Variants in CUX1 observed in about 807,000 individuals in gnomAD.
CUX1 encodes the protein cut like homeobox 1.
Under a neutral mutation model 158.8 loss-of-function variants are expected in CUX1, and 31 were observed. The ratio of observed to expected loss-of-function variants is 0.20; its 90% CI spans 0.15 to 0.26. The LOEUF (loss-of-function observed/expected upper bound fraction) is 0.26, where lower values mean the gene tolerates loss of function less well. Among genes scored for constraint, CUX1 ranks in the 10% least tolerant of loss-of-function variants. The probability of loss-of-function intolerance (pLI) is 1.00; values close to 1 mark genes in which losing one functional copy is unlikely to be tolerated. For missense variants in CUX1, 1,589 were observed against 2,014.6 expected (o/e 0.79, Z 4.04); for synonymous variants, 879 against 862.1 (o/e 1.02, Z -0.34).
chr7:102,185,661 AC>A (rs1793549483), intron 11 of CUX1, among the ~76,000 whole-genome samples: 2 of 147,510 alleles, frequency 1.4e-5, no homozygotes, highest in Admixed American at 1.3e-4. Flanking sequence ...CTTATCTTGA[AC>A]TCCTATGCTC....
At chr7:101,987,735 A>G (rs1029979566) in intron 2 of CUX1, among the ~76,000 whole-genome samples, 2 of 152,250 alleles carry the variant, frequency 1.3e-5, no homozygotes, top group African/African-American at 2.4e-5. Context: ...GGAGGACTGC[A>G]CCAGGGACAT....
chr7:102,202,192 C>A lies in CUX1; in HGVS notation c.2895C>A (p.Ile965=). ...KLAKNGICQR[I]FGEKVLGLSQ... is the part of the protein sequence containing the mutation. ...CCAAGAACGGCATCTGCCAGAGAATCTTCGGGGAGAAGGTAAGGGATCTGC... is the reference window on the plus strand; with the variant it reads ...CCAAGAACGGCATCTGCCAGAGAATATTCGGGGAGAAGGTAAGGGATCTGC... Residue 965 remains isoleucine, a synonymous_variant, in exon 18 of 24, where the codon ATC becomes ATA. Transcript: ENST00000292535. 1 of 1,605,062 alleles carries A rather than the reference C, an allele frequency of 6.2e-7. No homozygotes were observed. The highest frequency in any genetic ancestry group is 8.5e-7 in the Non-Finnish European group (1 of 1,173,862).
At position 102,252,929 on chromosome 7, in the gene CUX1, G is replaced by C; in HGVS notation, c.*3887G>C. 1.0e-6 allele frequency: 1 copy of C among 985,452 alleles called. No individual in the cohort carries two copies. Among genetic ancestry groups the C allele is most frequent in the Non-Finnish European group, 1.2e-6 (1 of 829,954 alleles). The allele number at this position is 985,452 out of a possible 1,614,324, so 61.0% of individuals were successfully genotyped here. On this transcript the variant is annotated 3_prime_UTR_variant, in exon 24 of 24. Coordinates refer to ENST00000292535, the MANE Select transcript of CUX1 (RefSeq NM_181552.4). ...TAAGCGTCTCCTGGGACAGGATTGG[G>C]GTGACAGCCCAGGGATGCATGCATG...
At chr7:101,904,084 C>T (rs1802467691) in intron 1 of CUX1, among the ~76,000 whole-genome samples, 2 of 151,464 alleles carry the variant, frequency 1.3e-5, no homozygotes, top group Admixed American at 1.3e-4. Flanking sequence ...CACTTGAGCT[C>T]AGGAGTAACA....
chr7:102,156,721 GCCTGTCCAGCACCCTGGGCTGT>G (rs1340445298), intron 8 of CUX1, among the ~76,000 whole-genome samples: 1 of 152,146 alleles, frequency 6.6e-6, no homozygotes. Flanking sequence ...TCATTGTCAG[GCCTGTCCAGCACCCTGGGCTGT>G]CCCCAGGAGT....
Position 101,916,911 on chromosome 7 carries a change from A to G in CUX1, c.141+686A>G, listed in dbSNP as rs1804279024. On this transcript the variant is annotated intron_variant, in intron 2 of 23. Coordinates refer to ENST00000292535, the MANE Select transcript of CUX1 (RefSeq NM_181552.4). The surrounding 1 kb of genome is among the most constrained non-coding windows in gnomAD (Gnocchi z 4.4). ...TCAACCCTATCAGGGGCTTACTAAG[A>G]AAAAAAAAAAAACATCCAAGCGTGT... is the stretch of plus-strand genomic sequence containing the variant. Among the ~76,000 whole-genome samples the G allele has an allele frequency of 7.0e-6, 1 of 143,520 alleles. No homozygotes were observed. The highest frequency in any genetic ancestry group is 2.5e-5 in the African/African-American group (1 of 39,864). The allele number at this position is 143,520 out of a possible 152,430, so 94.2% of individuals were successfully genotyped here.
chr7:101,982,752 A>G (rs1299841077), intron 2 of CUX1, among the ~76,000 whole-genome samples: 2 of 151,764 alleles, frequency 1.3e-5, no homozygotes, highest in Non-Finnish European at 2.9e-5. Context: ...TTTAAGTTCT[A>G]GGATACATGT....
intron 3 of CUX1, among the ~76,000 whole-genome samples, chr7:102,035,874 A>G (rs1370134428): frequency 6.6e-6 from 1 of 151,960 alleles, no homozygotes; most frequent in African/African-American, 2.4e-5. Context: ...AATCCCAACA[A>G]AATTTTTTTT....
chr7:101,886,680 A>G (rs1325160023), intron 1 of CUX1, among the ~76,000 whole-genome samples: 1 of 152,116 alleles, frequency 6.6e-6, no homozygotes, highest in Non-Finnish European at 1.5e-5. Flanking sequence ...AGCCCATGCC[A>G]GCCTCACTGA....
Position 102,258,162 on chromosome 7 carries a change from C to A in CUX1, c.*9120C>A. 1.0e-6 allele frequency: 1 copy of A among 985,020 alleles called. No individual in the cohort carries two copies. Among genetic ancestry groups the A allele is most frequent in the Non-Finnish European group, 1.2e-6 (1 of 829,656 alleles). 61.0% of individuals were successfully genotyped at this position (985,020 alleles called of 1,614,324 possible). On this transcript the variant is annotated 3_prime_UTR_variant, in exon 24 of 24. Transcript: ENST00000292535. ...AGAAGCAATATCACTGTATGAGACT[C>A]ACACCATGTATTATTATTCACTAGC...
intron 16 of CUX1, 67 bp downstream of exon 16, chr7:102,198,934 T>C: frequency 7.0e-7 from 1 of 1,434,982 alleles, no homozygotes; most frequent in Non-Finnish European, 9.8e-7. Context: ...CTTAGCTGTG[T>C]ATTTGGGTTA....
rs1193128464 is a variant in CUX1 at position 102,030,014 on chromosome 7, C to CT, written c.189+1883dup. Reference sequence around the variant, plus strand: ...GATTAGTACAGTGAATACCTGTATGCTTTTTTTTTTTTTTGAGACAGATTT... The same window carrying CT: ...GATTAGTACAGTGAATACCTGTATGCTTTTTTTTTTTTTTTGAGACAGATTT... On this transcript the variant is annotated intron_variant, in intron 3 of 23. Coordinates refer to ENST00000292535, the MANE Select transcript of CUX1 (RefSeq NM_181552.4). Among the ~76,000 whole-genome samples the CT allele has an allele frequency of 6.7e-3, 953 of 142,018 alleles. 2 individuals carry two copies. Among genetic ancestry groups the CT allele is most frequent in the Admixed American group, 9.5e-3 (134 of 14,140 alleles). The allele number at this position is 142,018 out of a possible 152,430, so 93.2% of individuals were successfully genotyped here.
At chr7:102,090,545 G>A (rs1464897646) in intron 4 of CUX1, among the ~76,000 whole-genome samples, 1 of 151,704 alleles carries the variant, frequency 6.6e-6, no homozygotes, top group Non-Finnish European at 1.5e-5. Context: ...CCGCCACCAC[G>A]CCCAGCTAAT....
rs540747029 is a variant in CUX1 at position 101,916,811 on chromosome 7, G to A, written c.141+586G>A. 2.0e-5 allele frequency among the ~76,000 whole-genome samples: 3 copies of A among 152,224 alleles called. No individual in the cohort carries two copies. Among genetic ancestry groups the A allele is most frequent in the South Asian group, 2.1e-4 (1 of 4,826 alleles). ...TACTCCTGTTTTTTCTCTCGTGAGTGTGCAATCGGGGGACAGTGTTGAGTT... is the reference window on the plus strand; with the variant it reads ...TACTCCTGTTTTTTCTCTCGTGAGTATGCAATCGGGGGACAGTGTTGAGTT... On this transcript the variant is annotated intron_variant, in intron 2 of 23. Transcript: ENST00000292535. The surrounding 1 kb of genome is among the most constrained non-coding windows in gnomAD (Gnocchi z 4.4).
intron 10 of CUX1, among the ~76,000 whole-genome samples, chr7:102,173,451 G>A (rs139724900): frequency 1.6e-3 from 245 of 152,352 alleles, no homozygotes; most frequent in African/African-American, 5.6e-3. Flanking sequence ...CATACTTCAT[G>A]GACTCTGGAA....
chr7:102,200,290 C>A, intron 17 of CUX1, 118 bp downstream of exon 17: 1 of 768,096 alleles, frequency 1.3e-6, no homozygotes, highest in Non-Finnish European at 2.0e-6. Context: ...TGCCTGTTCT[C>A]AAGCATTTAG....
At chr7:102,084,858 C>CTTTTTTTTTTTTTTTTT (rs60908109) in intron 4 of CUX1, among the ~76,000 whole-genome samples, 1 of 56,048 alleles carries the variant, frequency 1.8e-5, no homozygotes, top group Non-Finnish European at 3.3e-5. Context: ...ATTTTCCTTG[C>CTTTTTTTTTTTTTTTTT]TTTTTTTTTT....
At chr7:101,996,212 C>G (rs1040851447) in intron 2 of CUX1, among the ~76,000 whole-genome samples, 28 of 152,112 alleles carry the variant, frequency 1.8e-4, no homozygotes, top group Admixed American at 1.8e-3. Flanking sequence ...CCCCACAGAC[C>G]CAGGAAGGCA....
rs796808887 is a variant in CUX1, at chr7:101,830,498, T to C, written c.30+12829T>C. ...GTTTTGAGACAGGGTCTTGATCTGTTGTGGACTGCAGTGGTGGGATCATAG... is the reference window on the plus strand; with the variant it reads ...GTTTTGAGACAGGGTCTTGATCTGTCGTGGACTGCAGTGGTGGGATCATAG... On this transcript the variant is annotated intron_variant, in intron 1 of 23. Transcript: ENST00000292535. 2.7e-4 allele frequency among the ~76,000 whole-genome samples: 41 copies of C among 152,290 alleles called. 1 individual carries two copies. The highest frequency in any genetic ancestry group is 9.1e-4 in the African/African-American group (38 of 41,576).
Sources: allele counts gnomAD v4.1 joint callset (sites outside exome capture counted in the v4.1 genomes callset), GRCh38; gene constraint gnomAD v4.1.1; non-coding constraint Gnocchi (gnomAD v3.1); transcripts MANE v1.5; gene names NCBI Gene and HGNC (gene_info 2026-07-23, HGNC 2026-07-21).